Variants in NANOS3 observed in about 807,000 individuals in gnomAD.
NANOS3 encodes the protein nanos homolog 3.
A neutral mutation model predicts 13.8 loss-of-function variants in NANOS3; 11 were observed. The ratio of observed to expected loss-of-function variants is 0.80; its 90% CI spans 0.50 to 1.32. NANOS3 has a LOEUF of 1.32. NANOS3 is among the 40% of genes most tolerant of loss of function. NANOS3 has a pLI of 0.00. For missense variants in NANOS3, 221 were observed against 263.8 expected (o/e 0.84, Z 1.12); for synonymous variants, 119 against 115.4 (o/e 1.03, Z -0.20).
At chr19:13,873,940 C>T (rs935186712), upstream of NANOS3, among the ~76,000 whole-genome samples, 1 of 152,118 alleles carries the variant, frequency 6.6e-6, no homozygotes, top group South Asian at 2.1e-4. Flanking sequence ...TCTGTGCGAT[C>T]ACTGGAGGAA....
chr19:13,879,887 A>T (rs1968595755), intron 1 of NANOS3, among the ~76,000 whole-genome samples: 1 of 152,118 alleles, frequency 6.6e-6, no homozygotes, highest in African/African-American at 2.4e-5. Flanking sequence ...TTAACTGGGC[A>T]TGGTGGCATG....
intron 1 of NANOS3, among the ~76,000 whole-genome samples, chr19:13,869,091 G>C (rs1182574642): frequency 2.6e-5 from 4 of 152,132 alleles, no homozygotes; most frequent in African/African-American, 4.8e-5. Context: ...GAGTTCTTGA[G>C]ACGGAGCCCA....
chr19:13,879,310 G>A (rs1203352923), intron 1 of NANOS3, among the ~76,000 whole-genome samples: 1 of 152,156 alleles, frequency 6.6e-6, no homozygotes, highest in Non-Finnish European at 1.5e-5. Flanking sequence ...GCTAACAGAG[G>A]AGGGGCCAGT....
At chr19:13,868,541 C>T (rs376628233) in intron 1 of NANOS3, among the ~76,000 whole-genome samples, 17 of 151,740 alleles carry the variant, frequency 1.1e-4, no homozygotes, top group African/African-American at 3.6e-4. Context: ...ATTAGCTGGG[C>T]GTGGTGGTGT....
chr19:13,866,063 C>G (rs1262845855), intron 1 of NANOS3, among the ~76,000 whole-genome samples: 2 of 152,142 alleles, frequency 1.3e-5, no homozygotes, highest in African/African-American at 4.8e-5. Context: ...TCCGGAAGCC[C>G]TGGCGCCCTG....
At chr19:13,864,444 T>C (rs1976200716), upstream of NANOS3, among the ~76,000 whole-genome samples, 1 of 152,154 alleles carries the variant, frequency 6.6e-6, no homozygotes. Context: ...TGGCTGTGTT[T>C]CTCTGCCTCT....
upstream of NANOS3, among the ~76,000 whole-genome samples, chr19:13,862,549 T>A (rs1363504420): frequency 6.6e-6 from 1 of 151,962 alleles, no homozygotes; most frequent in African/African-American, 2.4e-5. Flanking sequence ...TCTTTTTTCT[T>A]TTTTTTTGAG....
In NANOS3 at chr19:13,877,391, C is replaced by T. The variant is rs1376626797; in HGVS notation, c.143C>T (p.Pro48Leu). 3.1e-6 allele frequency: 5 copies of T among 1,612,470 alleles called. No individual in the cohort carries two copies. Among genetic ancestry groups the T allele is most frequent in the Non-Finnish European group, 4.2e-6 (5 of 1,179,988 alleles). ...CTGGAGCCGGTGTCAGCCCTGGAGCCGATGCCAGCGCCGGAGTCGGTGCCA... is the reference window on the plus strand; with the variant it reads ...CTGGAGCCGGTGTCAGCCCTGGAGCTGATGCCAGCGCCGGAGTCGGTGCCA... ...PMLEPVSALEPMPAPESVPVP... is the reference protein window; with the variant it reads ...PMLEPVSALELMPAPESVPVP... Residue 48 changes from proline to leucine, a missense_variant, in exon 1 of 2, where the codon CCG becomes CTG. Physicochemically the swap from Pro to Leu is moderately conservative, Grantham distance 98. Transcript: ENST00000339133.
rs866422592 is a variant in NANOS3 at position 13,877,363 on chromosome 19, A to G, written c.115A>G (p.Met39Val). Reference sequence around the variant, plus strand: ...GAGCCCCCAGCCAGAGCCAGAGCCAATGCTGGAGCCGGTGTCAGCCCTGGA... The same window carrying G: ...GAGCCCCCAGCCAGAGCCAGAGCCAGTGCTGGAGCCGGTGTCAGCCCTGGA... ...RLSPQPEPEP[M>V]LEPVSALEPM... Residue 39 changes from methionine (M) to valine (V), a missense_variant, in exon 1 of 2, where the codon ATG becomes GTG. Around this residue, in one of 3 missense-constraint regions of NANOS3, gnomAD observed 112 missense variants for 116.3 expected, o/e 0.96. Transcript: ENST00000339133. The G allele has an allele frequency of 1.3e-6, 2 of 1,597,634 alleles. No individual in the cohort carries two copies. Among genetic ancestry groups the G allele is most frequent in the East Asian group, 4.5e-5 (2 of 44,852 alleles).
upstream of NANOS3, among the ~76,000 whole-genome samples, chr19:13,863,381 T>C (rs1976185194): frequency 6.6e-6 from 1 of 152,116 alleles, no homozygotes; most frequent in African/African-American, 2.4e-5. Flanking sequence ...AGCTAATTTT[T>C]TTTTTAATTT....
chr19:13,869,818 CACAG>C lies in NANOS3; in HGVS notation n.21+4385_21+4388del, dbSNP rs570352613. Among the ~76,000 whole-genome samples, 507 of 151,994 alleles carry C rather than the reference CACAG, an allele frequency of 3.3e-3. 2 individuals are homozygous for C. The highest frequency in any genetic ancestry group is 5.1e-3 in the Non-Finnish European group (349 of 67,954). On this transcript the variant is annotated intron_variant and non_coding_transcript_variant, in intron 1 of 2. Transcript: ENST00000591161. The stretch of plus-strand genomic sequence containing the variant: ...CACACACATACAGTTACATACAACA[CACAG>C]ACACACAGGAGCATATATATAGGTA...
At chr19:13,876,308 TTGTGTGTG>T (rs111824565), upstream of NANOS3, among the ~76,000 whole-genome samples, 3,261 of 149,176 alleles carry the variant, frequency 0.022, 122 homozygotes, top group African/African-American at 0.077. Context: ...CCAGCTAATT[TTGTGTGTG>T]TGTGTGTGTG....
chr19:13,880,321 C>T (rs1047308194), intron 1 of NANOS3, 121 bp from the exon 2 acceptor site: 12 of 869,510 alleles, frequency 1.4e-5, no homozygotes, highest in Admixed American at 4.4e-5. Flanking sequence ...TCGCTGTCTC[C>T]GGAGCAGCCC....
At chr19:13,873,060 G>A (rs1307497995), upstream of NANOS3, among the ~76,000 whole-genome samples, 1 of 152,058 alleles carries the variant, frequency 6.6e-6, no homozygotes, top group African/African-American at 2.4e-5. Flanking sequence ...CGTCTATAGA[G>A]CAGGCTTTTG....
chr19:13,880,067 T>TA (rs140917201), intron 1 of NANOS3, among the ~76,000 whole-genome samples: 4 of 152,118 alleles, frequency 2.6e-5, no homozygotes, highest in Non-Finnish European at 5.9e-5. Flanking sequence ...CAGGAGAAGA[T>TA]AGTGTTTCCT....
In NANOS3 at chr19:13,877,372, C is replaced by T; in HGVS notation, c.124C>T (p.Pro42Ser). Residue 42 changes from proline to serine, a missense_variant, in exon 1 of 2, where the codon CCG becomes TCG. Around this residue, in one of 3 missense-constraint regions of NANOS3, gnomAD observed 112 missense variants for 116.3 expected, o/e 0.96. Coordinates refer to ENST00000339133, the MANE Select transcript of NANOS3 (RefSeq NM_001098622.3). ...PQPEPEPMLE[P>S]VSALEPMPAP... ...GCCAGAGCCAGAGCCAATGCTGGAG[C>T]CGGTGTCAGCCCTGGAGCCGATGCC... 2 of 1,612,514 alleles carry T rather than the reference C, an allele frequency of 1.2e-6. No individual in the cohort carries two copies. The highest frequency in any genetic ancestry group is 1.7e-6 in the Non-Finnish European group (2 of 1,180,000).
chr19:13,864,355 C>T (rs1231821510), upstream of NANOS3, among the ~76,000 whole-genome samples: 2 of 152,094 alleles, frequency 1.3e-5, no homozygotes, highest in Non-Finnish European at 2.9e-5. Flanking sequence ...TACACATCCC[C>T]ACGTGCCCCT....
rs1347556808 is a variant in NANOS3, at chr19:13,877,752, A to G, written c.504A>G (p.Gly168=). ...KTQDTGHRRG[G]GGGAGFRGAG... The stretch of plus-strand genomic sequence containing the variant: ...AGGACACAGGCCACCGCCGAGGAGG[A>G]GGAGGAGGAGCAGGTGCCTGCACAG... The change falls in exon 1 of 2, where the codon GGA becomes GGG. Residue 168 remains glycine (G), a synonymous_variant. Coordinates refer to ENST00000339133, the MANE Select transcript of NANOS3 (RefSeq NM_001098622.3). The G allele has an allele frequency of 1.3e-6, 2 of 1,567,888 alleles. No homozygotes were observed. The highest frequency in any genetic ancestry group is 1.7e-6 in the Non-Finnish European group (2 of 1,159,454).
intron 1 of NANOS3, 69 bp downstream of exon 1, chr19:13,877,834 T>C: frequency 6.7e-7 from 1 of 1,493,816 alleles, no homozygotes; most frequent in Non-Finnish European, 8.9e-7. Context: ...GAAGTAAGAT[T>C]AGCCCCAGTA....
Sources: gnomAD v4.1 joint callset for allele counts (sites outside exome capture counted in the v4.1 genomes callset) on GRCh38, gnomAD v4.1.1 for gene constraint, gnomAD v4.1.1 regional missense constraint, MANE v1.5 for transcripts, NCBI Gene and HGNC (gene_info 2026-07-23, HGNC 2026-07-21) for gene names.